FAM53A: variants seen among roughly 807,000 people sequenced by gnomAD.
The protein encoded by FAM53A is family with sequence similarity 53 member A.
Under a neutral mutation model 26.6 loss-of-function variants are expected in FAM53A, and 28 were observed. The observed-to-expected ratio is 1.05, with a 90% CI of 0.78 to 1.45. The LOEUF is 1.45. Ranked by LOEUF, FAM53A falls within the 40% of genes most tolerant of loss-of-function variation. FAM53A has a pLI of 0.00. For synonymous variants in FAM53A, 290 were observed against 253.1 expected, an observed-to-expected ratio of 1.15 and a Z score of -1.38; for missense variants, 650 against 575.8, an observed-to-expected ratio of 1.13 and a Z score of -1.32.
the FAM53A span, among the ~76,000 whole-genome samples, chr4:1,588,428 G>C: frequency 6.6e-6 from 1 of 152,176 alleles, no homozygotes; most frequent in Non-Finnish European, 1.5e-5. Context: ...AAATGATGGT[G>C]CGTGACTGCC....
intron 1 of FAM53A, among the ~76,000 whole-genome samples, chr4:1,672,759 CTTTTTTTTTTTTT>C (rs35045856): frequency 6.2e-5 from 4 of 64,806 alleles, no homozygotes; most frequent in Non-Finnish European, 1.3e-4. Context: ...CCTGAATTTC[CTTTTTTTTTTTTT>C]TTTTTTTTTT....
At chr4:1,582,219 G>C in the FAM53A span, among the ~76,000 whole-genome samples, 2 of 152,246 alleles carry the variant, frequency 1.3e-5, no homozygotes, top group African/African-American at 4.8e-5. Context: ...ATGATAAGAA[G>C]GGTCCCTGCC....
chr4:1,644,299 A>C, intron 4 of FAM53A: 1 of 1,535,928 alleles, frequency 6.5e-7, no homozygotes, highest in Non-Finnish European at 8.7e-7. Flanking sequence ...GCTCACGCCG[A>C]GGCCTCGGAC....
downstream of FAM53A, among the ~76,000 whole-genome samples, chr4:1,617,391 G>A (rs1000785086): frequency 1.1e-4 from 17 of 152,078 alleles, no homozygotes; most frequent in Non-Finnish European, 1.6e-4. Flanking sequence ...ACAGTTTGCC[G>A]GTGTTGACAT....
intron 2 of FAM53A, among the ~76,000 whole-genome samples, chr4:1,664,100 T>C (rs1468956552): frequency 6.6e-6 from 1 of 152,218 alleles, no homozygotes; most frequent in Non-Finnish European, 1.5e-5. Context: ...CTGGACTCCC[T>C]GAACAAATTC....
chr4:1,597,464 A>T, the FAM53A span, among the ~76,000 whole-genome samples: 1 of 152,270 alleles, frequency 6.6e-6, no homozygotes, highest in Non-Finnish European at 1.5e-5. Context: ...CCCAGGAACC[A>T]TGCTGCTGGG....
At chr4:1,650,375 G>A (rs1411010705) in intron 4 of FAM53A, among the ~76,000 whole-genome samples, 5 of 88,320 alleles carry the variant, frequency 5.7e-5, no homozygotes, top group African/African-American at 2.9e-4. Flanking sequence ...AGGTGGCACA[G>A]GTGTGGTGTT....
At chr4:1,617,894 C>T (rs947965253), downstream of FAM53A, 1 of 391,016 alleles carries the variant, frequency 2.6e-6, no homozygotes, top group Non-Finnish European at 5.2e-6. Flanking sequence ...TCAGGAGCAC[C>T]CAGGAGCAGT....
the FAM53A span, among the ~76,000 whole-genome samples, chr4:1,609,260 C>A: frequency 6.6e-6 from 1 of 152,092 alleles, no homozygotes; most frequent in African/African-American, 2.4e-5. Flanking sequence ...GCCAGCCCCA[C>A]ACCCCCATCC....
intron 1 of FAM53A, among the ~76,000 whole-genome samples, chr4:1,624,272 G>A (rs1013453057): frequency 2.6e-5 from 4 of 152,206 alleles, no homozygotes; most frequent in African/African-American, 9.6e-5. Flanking sequence ...CCCACGGCAG[G>A]CAGGGTGGGG....
chr4:1,685,069 C>G (rs1185980613), upstream of FAM53A, among the ~76,000 whole-genome samples: 3 of 152,160 alleles, frequency 2.0e-5, no homozygotes, highest in Non-Finnish European at 4.4e-5. Context: ...CTCCAGCCTC[C>G]CGTGCTGGGG....
At chr4:1,613,959 C>G (rs575649166), downstream of FAM53A, among the ~76,000 whole-genome samples, 39 of 152,164 alleles carry the variant, frequency 2.6e-4, no homozygotes, top group Non-Finnish European at 4.4e-4. Flanking sequence ...GAAACTGATA[C>G]GAAAACGTCA....
chr4:1,650,917 A>G (rs1033745799), intron 4 of FAM53A, among the ~76,000 whole-genome samples: 5 of 150,366 alleles, frequency 3.3e-5, no homozygotes, highest in Non-Finnish European at 5.9e-5. Flanking sequence ...TCACTCGGGC[A>G]TTGATATCAA....
At chr4:1,619,250 C>T (rs938803426) in intron 1 of FAM53A, among the ~76,000 whole-genome samples, 1 of 152,250 alleles carries the variant, frequency 6.6e-6, no homozygotes, top group African/African-American at 2.4e-5. Flanking sequence ...CACCTTGTGG[C>T]GAGCGGCCCC....
In FAM53A at chr4:1,641,361, C is replaced by T; in HGVS notation, c.1129G>A (p.Val377Ile). 6.2e-7 allele frequency: 1 copy of T among 1,611,396 alleles called. No homozygotes were observed. Among genetic ancestry groups the T allele is most frequent in the Non-Finnish European group, 8.5e-7 (1 of 1,179,310 alleles). Residue 377 changes from valine to isoleucine, a missense_variant, in exon 5 of 5, where the codon GTC becomes ATC. Coordinates refer to ENST00000308132, the MANE Select transcript of FAM53A (RefSeq NM_001174070.3). ...CGGGGGAAGACGCCCTCCTCCCCGA[C>T]ACTGTCCCCATCACGGGGGTCCCCG... Reference protein sequence around the residue: ...SSGDPRDGDSVGEEGVFPRAR... With the variant: ...SSGDPRDGDSIGEEGVFPRAR...
downstream of FAM53A, among the ~76,000 whole-genome samples, chr4:1,637,836 C>T (rs900230696): frequency 3.0e-4 from 45 of 152,206 alleles, no homozygotes; most frequent in African/African-American, 9.6e-4. Context: ...GGATCCCACA[C>T]GGGCTGACCG....
chr4:1,652,200 ACCACACATG>A (rs1166949523), intron 4 of FAM53A, among the ~76,000 whole-genome samples: 52 of 134,270 alleles, frequency 3.9e-4, no homozygotes, highest in Middle Eastern at 0.01. Context: ...CGCCACACAC[ACCACACATG>A]CCACACACAC....
At chr4:1,608,925 C>T in the FAM53A span, among the ~76,000 whole-genome samples, 2 of 152,030 alleles carry the variant, frequency 1.3e-5, no homozygotes, top group African/African-American at 2.4e-5. Flanking sequence ...AGGGACCATG[C>T]GGGTTTGGAG....
At chr4:1,597,667 G>T in the FAM53A span, among the ~76,000 whole-genome samples, 2 of 111,326 alleles carry the variant, frequency 1.8e-5, no homozygotes, top group Non-Finnish European at 4.2e-5. Flanking sequence ...TGTGGCTGCA[G>T]GGAGCACCTG....
Sources: allele counts gnomAD v4.1 joint callset (sites outside exome capture counted in the v4.1 genomes callset), GRCh38; gene constraint gnomAD v4.1.1; transcripts MANE v1.5; gene names NCBI Gene and HGNC (gene_info 2026-07-23, HGNC 2026-07-21).